The following LRRK1 variants were observed in gnomAD, a reference collection of about 807,000 sequenced individuals.
LRRK1 encodes leucine-rich repeat serine/threonine-protein kinase 1.
In LRRK1, 113 loss-of-function variants were observed where a neutral mutation model predicts 209.1. The observed-to-expected ratio is 0.54, with a 90% CI of 0.46 to 0.63. The LOEUF is 0.63. Among genes scored for constraint, LRRK1 ranks in the 30% least tolerant of loss-of-function variants. The pLI is 0.00. For missense variants in LRRK1, 2,284 were observed against 2,632.2 expected, an observed-to-expected ratio of 0.87 and a Z score of 2.89; for synonymous variants, 1,144 against 1,099.7, an observed-to-expected ratio of 1.04 and a Z score of -0.80.
At position 101,077,357 on chromosome 15, in the gene LRRK1, C is replaced by G. The variant is rs896560798; in HGVS notation, c.*8509C>G. On this transcript the variant is annotated 3_prime_UTR_variant, in exon 34 of 34. Transcript: ENST00000388948. ...CGTGCCCTGCTCTTGTTTACACTGC[C>G]AGTTTACACTGTTTCTCCAAGCCAT... 2.0e-5 allele frequency: 3 copies of G among 152,222 alleles called. No individual in the cohort carries two copies. Among genetic ancestry groups the G allele is most frequent in the Non-Finnish European group, 4.4e-5 (3 of 68,044 alleles). The allele number at this position is 152,222 out of a possible 1,614,324, so 9.4% of individuals were successfully genotyped here.
chr15:100,987,639 C>G (rs755221712), intron 4 of LRRK1, among the ~76,000 whole-genome samples: 3 of 152,236 alleles, frequency 2.0e-5, no homozygotes, highest in Admixed American at 6.5e-5. Context: ...TACAATGACA[C>G]AACATCATGA....
At chr15:101,044,450 C>T (rs1365751785) in intron 20 of LRRK1, among the ~76,000 whole-genome samples, 1 of 152,192 alleles carries the variant, frequency 6.6e-6, no homozygotes, top group Non-Finnish European at 1.5e-5. Flanking sequence ...CCTGTCCTGC[C>T]GACTCACTGG....
intron 15 of LRRK1, among the ~76,000 whole-genome samples, chr15:101,023,505 G>A (rs1371622815): frequency 6.6e-6 from 1 of 152,126 alleles, no homozygotes; most frequent in East Asian, 1.9e-4. Context: ...CTCTGAGCTC[G>A]GGGAACGAAC....
chr15:100,957,508 ACT>A (rs761937645), intron 2 of LRRK1, among the ~76,000 whole-genome samples: 1 of 148,388 alleles, frequency 6.7e-6, no homozygotes, highest in Non-Finnish European at 1.5e-5. Context: ...AAATTAGTAC[ACT>A]CTTTTAATGA....
chr15:101,052,911 G>A lies in LRRK1; in HGVS notation c.3690-11G>A, dbSNP rs778985222. ...GGGGGGGATGTGGCTGATGCCGGGCGTGTGTGGCAGGCTCTTCCTGGAGAA... is the reference window on the plus strand; with the variant it reads ...GGGGGGGATGTGGCTGATGCCGGGCATGTGTGGCAGGCTCTTCCTGGAGAA... On this transcript the variant is annotated splice_polypyrimidine_tract_variant and intron_variant, in intron 24 of 33. Coordinates refer to ENST00000388948, the MANE Select transcript of LRRK1 (RefSeq NM_024652.6). The A allele has an allele frequency of 1.9e-5, 30 of 1,600,494 alleles. No homozygotes were observed. Among genetic ancestry groups the A allele is most frequent in the South Asian group, 3.3e-5 (3 of 90,818 alleles).
intron 2 of LRRK1, among the ~76,000 whole-genome samples, chr15:100,956,093 C>T (rs1165117384): frequency 6.6e-6 from 1 of 152,136 alleles, no homozygotes; most frequent in Non-Finnish European, 1.5e-5. Context: ...TGGTAGAATT[C>T]ACCTGTGAAG....
intron 6 of LRRK1, among the ~76,000 whole-genome samples, chr15:101,005,240 C>T (rs1008016431): frequency 6.6e-6 from 1 of 152,182 alleles, no homozygotes; most frequent in African/African-American, 2.4e-5. Context: ...ACATGGTGAC[C>T]TTCCTGTCAG....
rs1213059202 is a variant in LRRK1 at position 101,024,049 on chromosome 15, T to C, written c.2068-754T>C. 6.6e-6 allele frequency among the ~76,000 whole-genome samples: 1 copy of C among 152,164 alleles called. No individual in the cohort carries two copies. The highest frequency in any genetic ancestry group is 1.5e-5 in the Non-Finnish European group (1 of 68,030). ...TTTCCTGACCTTCACCCCCACTTCC[T>C]TTCTGCGATGATTAAAACCCCCTAC... On this transcript the variant is annotated intron_variant, in intron 15 of 33. Coordinates refer to ENST00000388948, the MANE Select transcript of LRRK1 (RefSeq NM_024652.6). The surrounding 1 kb of genome is among the most constrained non-coding windows in gnomAD (Gnocchi z 4.6).
At chr15:100,961,131 T>C (rs8034561) in intron 2 of LRRK1, among the ~76,000 whole-genome samples, 106,701 of 152,114 alleles carry the variant, frequency 0.7, 37,792 homozygotes, top group Middle Eastern at 0.76. Context: ...TTCTTGCTGG[T>C]GGGGACTGGC....
rs1303503723 is a variant in LRRK1 at position 101,075,724 on chromosome 15, CA to C, written c.*6879del. 1.6e-5 allele frequency: 2 copies of C among 127,498 alleles called. No homozygotes were observed. The highest frequency in any genetic ancestry group is 5.4e-5 in the African/African-American group (2 of 37,356). The allele number at this position is 127,498 out of a possible 1,614,324, so 7.9% of individuals were successfully genotyped here. A position where few individuals can be genotyped will look rare whatever the true frequency, so the allele number is the denominator to read the frequency against. On this transcript the variant is annotated 3_prime_UTR_variant, in exon 34 of 34. Transcript: ENST00000388948. ...GTTTTGCCTATCCACCCCATGGTGT[CA>C]AACCCATATACTCTCCTATCCTCAA...
chr15:100,969,630 T>C (rs1203976173), intron 2 of LRRK1, among the ~76,000 whole-genome samples: 1 of 152,170 alleles, frequency 6.6e-6, no homozygotes, highest in Non-Finnish European at 1.5e-5. Context: ...TTAGCTATTC[T>C]TCCTTATGCT....
chr15:101,041,699 T>C (rs1318164421), intron 20 of LRRK1, among the ~76,000 whole-genome samples: 1 of 152,224 alleles, frequency 6.6e-6, no homozygotes, highest in Non-Finnish European at 1.5e-5. Context: ...GTTTCTTCTA[T>C]ACAGTAGTCC....
At chr15:100,975,690 A>G (rs1361129856) in intron 3 of LRRK1, among the ~76,000 whole-genome samples, 1 of 152,262 alleles carries the variant, frequency 6.6e-6, no homozygotes, top group Admixed American at 6.5e-5. Context: ...CGGTTGATGC[A>G]AAAGGAGAAA....
At chr15:100,986,024 C>T (rs569297719) in intron 4 of LRRK1, among the ~76,000 whole-genome samples, 1 of 150,088 alleles carries the variant, frequency 6.7e-6, no homozygotes, top group Admixed American at 6.6e-5. Flanking sequence ...CATAGTGAGA[C>T]CCTGTATCTA....
chr15:101,066,668 C>T lies in LRRK1; in HGVS notation c.5797C>T (p.Leu1933=), dbSNP rs1175761182. Residue 1933 remains leucine, a synonymous_variant, in exon 33 of 34, where the codon CTG becomes TTG. Transcript: ENST00000388948. ...CGGTGGAGATGTTATCGTCATTGGC[C>T]TGGAGAAGGATTCTGGCGCCCAGCG... ...RRGGDVIVIG[L]EKDSGAQRGR... is the part of the protein sequence containing the mutation. 1.2e-6 allele frequency: 2 copies of T among 1,614,086 alleles called. No homozygotes were observed. Among genetic ancestry groups the T allele is most frequent in the East Asian group, 2.2e-5 (1 of 44,904 alleles).
At chr15:100,950,696 T>G (rs1432456562) in intron 2 of LRRK1, among the ~76,000 whole-genome samples, 1 of 152,210 alleles carries the variant, frequency 6.6e-6, no homozygotes, top group African/African-American at 2.4e-5. Context: ...ATCAAGAAAG[T>G]GAAAAGAACC....
chr15:100,944,038 G>A (rs570391254), intron 2 of LRRK1, among the ~76,000 whole-genome samples: 1 of 152,240 alleles, frequency 6.6e-6, no homozygotes, highest in Non-Finnish European at 1.5e-5. Flanking sequence ...TTGAACACAG[G>A]TCAGAGAAAA....
intron 23 of LRRK1, among the ~76,000 whole-genome samples, chr15:101,050,185 G>C (rs2035328727): frequency 6.6e-6 from 1 of 152,152 alleles, no homozygotes; most frequent in African/African-American, 2.4e-5. Context: ...CCTGCGCAGG[G>C]GCAGGGATGG....
chr15:100,951,673 C>T (rs1407705515), intron 2 of LRRK1, among the ~76,000 whole-genome samples: 2 of 152,036 alleles, frequency 1.3e-5, no homozygotes, highest in African/African-American at 2.4e-5. Flanking sequence ...ATAATAAGGC[C>T]GGGCATAGTG....
Sources: gnomAD v4.1 joint callset for allele counts (sites outside exome capture counted in the v4.1 genomes callset) on GRCh38, gnomAD v4.1.1 for gene constraint, Gnocchi (gnomAD v3.1) non-coding constraint, MANE v1.5 for transcripts, NCBI Gene and HGNC (gene_info 2026-07-23, HGNC 2026-07-21) for gene names.